The following ATP8A2 variants were observed in gnomAD, a reference collection of about 807,000 sequenced individuals.
The protein encoded by ATP8A2 is phospholipid-transporting ATPase IB.
In ATP8A2, 100 loss-of-function variants were observed where a neutral mutation model predicts 165.6. The observed-to-expected ratio is 0.60, with a 90% confidence interval of 0.51 to 0.71. ATP8A2 has a LOEUF of 0.71. Among genes scored for constraint, ATP8A2 ranks in the 30% least tolerant of loss-of-function variants. The probability of loss-of-function intolerance (pLI) is 0.00; values close to 1 mark genes in which losing one functional copy is unlikely to be tolerated. For synonymous variants in ATP8A2, 543 were observed against 548.8 expected, an observed-to-expected ratio of 0.99 and a Z score of 0.15; for missense variants, 1,227 against 1,479.5, an observed-to-expected ratio of 0.83 and a Z score of 2.80.
rs57301278 is a variant in ATP8A2, at chr13:25,815,033, C to CA, written c.2680-13072dup. On this transcript the variant is annotated intron_variant, in intron 27 of 36. Transcript: ENST00000381655. The stretch of plus-strand genomic sequence containing the variant: ...TGGGCGGCAGAGTGAGACCTTGTTT[C>CA]AAAAAAAAAAAAATTAACTCCAAAT... Among the ~76,000 whole-genome samples the CA allele has an allele frequency of 3.7e-3, 511 of 137,294 alleles. 2 individuals are homozygous for CA. Among genetic ancestry groups the CA allele is most frequent in the African/African-American group, 9.1e-3 (345 of 37,882 alleles). 90.1% of individuals were successfully genotyped at this position (137,294 alleles called of 152,430 possible). A position where few individuals can be genotyped will look rare whatever the true frequency, so the allele number is the denominator to read the frequency against.
rs1193749619 is a variant in ATP8A2, at chr13:25,616,310, T to TTTTCTTTC, written c.2211+26623_2211+26630dup. 9.1e-3 allele frequency among the ~76,000 whole-genome samples: 1,333 copies of TTTTCTTTC among 145,790 alleles called. 27 individuals are homozygous for TTTTCTTTC. The highest frequency in any genetic ancestry group is 0.034 in the African/African-American group (1,269 of 37,740). On this transcript the variant is annotated intron_variant, in intron 24 of 36. Transcript: ENST00000381655. ...ATCCTTTAGTGACCACTTAATTTTC[T>TTTTCTTTC]TTTCTTTCTTTCTTTCTTTTTTTTT...
chr13:25,477,466 G>GAT lies in ATP8A2; in HGVS notation c.221+8346_221+8347insTA, dbSNP rs150122196. On this transcript the variant is annotated intron_variant, in intron 2 of 36. Coordinates refer to ENST00000381655, the MANE Select transcript of ATP8A2 (RefSeq NM_016529.6). ...CTGAATTGGATTCTGGAACAGAAAA[G>GAT]ACATTGGTGGAAAAACTGGTGAATC... Among the ~76,000 whole-genome samples the GAT allele has an allele frequency of 8.6e-3, 1,315 of 152,344 alleles. 16 individuals carry two copies. Among genetic ancestry groups the GAT allele is most frequent in the African/African-American group, 0.03 (1,268 of 41,574 alleles).
chr13:25,824,677 G>A (rs532204049), intron 27 of ATP8A2, among the ~76,000 whole-genome samples: 1 of 152,176 alleles, frequency 6.6e-6, no homozygotes, highest in South Asian at 2.1e-4. Context: ...GGAAATTTCT[G>A]TGTGTTATAG....
chr13:25,711,621 G>A (rs556725427), intron 25 of ATP8A2, among the ~76,000 whole-genome samples: 1 of 152,104 alleles, frequency 6.6e-6, no homozygotes, highest in Non-Finnish European at 1.5e-5. Flanking sequence ...TCAAGTTAGA[G>A]TTCATATGCA....
At chr13:25,913,050 T>TA (rs1216174894) in intron 33 of ATP8A2, among the ~76,000 whole-genome samples, 1 of 152,200 alleles carries the variant, frequency 6.6e-6, no homozygotes, top group East Asian at 1.9e-4. Flanking sequence ...GATAAAGAGT[T>TA]AAAAATAGCA....
intron 33 of ATP8A2, among the ~76,000 whole-genome samples, chr13:25,899,627 G>A (rs1322140961): frequency 2.6e-5 from 4 of 152,094 alleles, no homozygotes; most frequent in East Asian, 1.9e-4. Context: ...AAAGCTGAGC[G>A]GAGGACACAG....
intron 1 of ATP8A2, among the ~76,000 whole-genome samples, chr13:25,403,206 CA>C (rs1363305698): frequency 6.6e-6 from 1 of 152,154 alleles, no homozygotes; most frequent in Non-Finnish European, 1.5e-5. Context: ...AACAAGGCAC[CA>C]TCTTGGAAGC....
chr13:25,542,296 G>C (rs2038504257), intron 9 of ATP8A2, among the ~76,000 whole-genome samples: 3 of 151,960 alleles, frequency 2.0e-5, no homozygotes, highest in Admixed American at 2.0e-4. Context: ...AATGGTTTTA[G>C]CTGCATAAAA....
chr13:25,711,731 C>T (rs753945277), intron 25 of ATP8A2, among the ~76,000 whole-genome samples: 1 of 152,112 alleles, frequency 6.6e-6, no homozygotes, highest in Non-Finnish European at 1.5e-5. Flanking sequence ...AAAAGTTGGA[C>T]TGAATTTCCA....
intron 10 of ATP8A2, among the ~76,000 whole-genome samples, chr13:25,545,178 T>G (rs1183952435): frequency 6.6e-6 from 1 of 151,770 alleles, no homozygotes; most frequent in Non-Finnish European, 1.5e-5. Flanking sequence ...GTTGCAGAGC[T>G]TGTGTGTTGA....
At chr13:25,624,425 A>G (rs1342096538) in intron 24 of ATP8A2, among the ~76,000 whole-genome samples, 1 of 152,200 alleles carries the variant, frequency 6.6e-6, no homozygotes, top group African/African-American at 2.4e-5. Flanking sequence ...TTATAACTCT[A>G]GGCAAGTACT....
intron 36 of ATP8A2, among the ~76,000 whole-genome samples, chr13:26,015,432 G>A (rs1442524772): frequency 3.3e-5 from 5 of 152,072 alleles, no homozygotes; most frequent in South Asian, 2.1e-4. Flanking sequence ...TTTGTAATCA[G>A]CATTTCCTAC....
intron 35 of ATP8A2, among the ~76,000 whole-genome samples, chr13:25,998,337 C>T (rs1956559664): frequency 6.6e-6 from 1 of 152,168 alleles, no homozygotes; most frequent in Admixed American, 6.5e-5. Flanking sequence ...TCTTTTTCAC[C>T]TCCCCATAAG....
intron 24 of ATP8A2, among the ~76,000 whole-genome samples, chr13:25,666,193 G>A (rs150557826): frequency 5.3e-4 from 80 of 151,686 alleles, no homozygotes; most frequent in East Asian, 4.8e-3. Flanking sequence ...TTATTAATTC[G>A]TCATTTATTT....
At chr13:25,880,310 A>G (rs1952940891) in intron 33 of ATP8A2, among the ~76,000 whole-genome samples, 1 of 151,858 alleles carries the variant, frequency 6.6e-6, no homozygotes, top group Non-Finnish European at 1.5e-5. Context: ...TGAAGTAGCC[A>G]CATGTCCCAT....
At chr13:25,592,250 C>A (rs574485480) in intron 24 of ATP8A2, among the ~76,000 whole-genome samples, 1 of 150,282 alleles carries the variant, frequency 6.7e-6, no homozygotes, top group South Asian at 2.1e-4. Context: ...TTTTCTACCT[C>A]CCTTTAGTCC....
At chr13:25,751,233 T>A (rs1183089251) in intron 25 of ATP8A2, among the ~76,000 whole-genome samples, 2 of 152,252 alleles carry the variant, frequency 1.3e-5, no homozygotes, top group Non-Finnish European at 2.9e-5. Flanking sequence ...TAAGCAGCTC[T>A]GCTACAGTGC....
At chr13:25,637,027 C>A (rs2041384490) in intron 24 of ATP8A2, among the ~76,000 whole-genome samples, 1 of 136,594 alleles carries the variant, frequency 7.3e-6, no homozygotes, top group Admixed American at 8.4e-5. Context: ...GAGGTTGACA[C>A]TGCAATGAGT....
Position 25,511,901 on chromosome 13 carries a change from TTTTA to T in ATP8A2, c.222-18095_222-18092del, listed in dbSNP as rs549446132. On this transcript the variant is annotated intron_variant, in intron 2 of 36. Transcript: ENST00000381655. ...GTTTCTGTGGAACTCTTTTTTTTTTTTTTATTGATCATTCTTGGGTGTTTCTCGC... is the reference window on the plus strand; with the variant it reads ...GTTTCTGTGGAACTCTTTTTTTTTTTTTGATCATTCTTGGGTGTTTCTCGC... Among the ~76,000 whole-genome samples the T allele has an allele frequency of 1.1e-4, 16 of 152,158 alleles. No homozygotes were observed. In the South Asian group the frequency reaches 2.7e-3, roughly 26 times the overall value.
Sources: allele counts gnomAD v4.1 joint callset (sites outside exome capture counted in the v4.1 genomes callset), GRCh38; gene constraint gnomAD v4.1.1; transcripts MANE v1.5; gene names NCBI Gene and HGNC (gene_info 2026-07-23, HGNC 2026-07-21).